Variants in KCNIP4 observed in about 807,000 individuals in gnomAD.
KCNIP4 encodes potassium voltage-gated channel interacting protein 4, also known as Kv channel-interacting protein 4.
A neutral mutation model predicts 34.0 loss-of-function variants in KCNIP4; 12 were observed. That is an observed-to-expected ratio of 0.35 (90% CI 0.23 to 0.57). The LOEUF (loss-of-function observed/expected upper bound fraction) is 0.57. Among genes scored for constraint, KCNIP4 ranks in the 20% least tolerant of loss-of-function variants. The pLI is 0.83. For missense variants in KCNIP4, 238 were observed against 311.7 expected (o/e 0.76, Z 1.78); for synonymous variants, 124 against 102.2 (o/e 1.21, Z -1.29).
chr4:21,201,599 C>T (rs186213338), intron 1 of KCNIP4, among the ~76,000 whole-genome samples: 27 of 152,196 alleles, frequency 1.8e-4, no homozygotes, highest in Non-Finnish European at 2.9e-4. Context: ...CCCAGGTTCA[C>T]GCCATTCTCC....
chr4:21,083,429 A>C (rs996790141), intron 1 of KCNIP4, among the ~76,000 whole-genome samples: 2 of 151,818 alleles, frequency 1.3e-5, no homozygotes, highest in African/African-American at 4.9e-5. Flanking sequence ...GAAATTAAGG[A>C]TCTTCAAAGG....
At chr4:21,931,203 C>T (rs1288387311) in intron 1 of KCNIP4, among the ~76,000 whole-genome samples, 2 of 151,554 alleles carry the variant, frequency 1.3e-5, no homozygotes, top group East Asian at 2.0e-4. Flanking sequence ...AAATATGCAC[C>T]TACAATAGGA....
intron 1 of KCNIP4, among the ~76,000 whole-genome samples, chr4:21,050,742 C>T (rs1418365242): frequency 6.6e-6 from 1 of 152,164 alleles, no homozygotes; most frequent in Non-Finnish European, 1.5e-5. Flanking sequence ...CACTCAGGTT[C>T]AGAAATACCA....
intron 1 of KCNIP4, among the ~76,000 whole-genome samples, chr4:21,792,937 G>A (rs928646404): frequency 6.6e-6 from 1 of 152,174 alleles, no homozygotes; most frequent in Non-Finnish European, 1.5e-5. Flanking sequence ...AATGCTCAGA[G>A]TATGTGAGAG....
chr4:21,076,925 C>A (rs944918592), intron 1 of KCNIP4, among the ~76,000 whole-genome samples: 1 of 152,060 alleles, frequency 6.6e-6, no homozygotes, highest in Non-Finnish European at 1.5e-5. Context: ...GAGTTCGAGT[C>A]CAGTCTGGCA....
At chr4:21,014,731 G>A (rs1739353657) in intron 1 of KCNIP4, among the ~76,000 whole-genome samples, 2 of 152,156 alleles carry the variant, frequency 1.3e-5, no homozygotes, top group Admixed American at 1.3e-4. Flanking sequence ...GTTAAACGTA[G>A]CATTACCATT....
chr4:21,443,075 C>T (rs377292108), intron 1 of KCNIP4, among the ~76,000 whole-genome samples: 28 of 152,290 alleles, frequency 1.8e-4, no homozygotes, highest in Admixed American at 9.8e-4. Context: ...GTTGTCACTA[C>T]GACAAAACTT....
At chr4:21,524,424 C>G (rs116677848) in intron 1 of KCNIP4, among the ~76,000 whole-genome samples, 5,015 of 152,256 alleles carry the variant, frequency 0.033, 111 homozygotes, top group Non-Finnish European at 0.049. Context: ...GCTCTTGCAT[C>G]TGATTTTTCC....
intron 1 of KCNIP4, among the ~76,000 whole-genome samples, chr4:21,123,003 G>C (rs1393502440): frequency 6.6e-6 from 1 of 152,092 alleles, no homozygotes; most frequent in East Asian, 1.9e-4. Context: ...AAGGTCAGGA[G>C]ATCAAGACCA....
intron 1 of KCNIP4, among the ~76,000 whole-genome samples, chr4:21,050,444 C>G (rs1742823329): frequency 6.6e-6 from 1 of 152,024 alleles, no homozygotes; most frequent in East Asian, 1.9e-4. Flanking sequence ...TAAAAATTAG[C>G]TTAAATATCT....
intron 1 of KCNIP4, among the ~76,000 whole-genome samples, chr4:20,994,848 T>A (rs1737402860): frequency 6.6e-6 from 1 of 152,184 alleles, no homozygotes; most frequent in Non-Finnish European, 1.5e-5. Flanking sequence ...TGCAATGCTC[T>A]GAACATGAGA....
At chr4:21,059,088 T>C (rs1008495470) in intron 1 of KCNIP4, among the ~76,000 whole-genome samples, 47 of 152,134 alleles carry the variant, frequency 3.1e-4, no homozygotes, top group African/African-American at 1.0e-3. Flanking sequence ...AGCATGATTG[T>C]GAGGCCTCCC....
chr4:21,570,075 C>T (rs1172198988), intron 1 of KCNIP4, among the ~76,000 whole-genome samples: 2 of 152,114 alleles, frequency 1.3e-5, no homozygotes, highest in Non-Finnish European at 2.9e-5. Context: ...GAGGGAGACC[C>T]AACCTGGAAG....
intron 1 of KCNIP4, among the ~76,000 whole-genome samples, chr4:21,377,208 CAGG>C (rs1721038576): frequency 6.6e-6 from 1 of 152,128 alleles, no homozygotes; most frequent in Non-Finnish European, 1.5e-5. Flanking sequence ...ACTACTCGGA[CAGG>C]AGAAGCAAAG....
In KCNIP4 at chr4:21,234,311, C is replaced by CAT. The variant is rs1282560702; in HGVS notation, c.62-351604_62-351603dup. Among the ~76,000 whole-genome samples, 5 of 73,498 alleles carry CAT rather than the reference C, an allele frequency of 6.8e-5. 1 individual carries two copies. The highest frequency in any genetic ancestry group is 4.2e-4 in the African/African-American group (5 of 12,030). 48.2% of individuals were successfully genotyped at this position (73,498 alleles called of 152,430 possible). A position where few individuals can be genotyped will look rare whatever the true frequency, so the allele number is the denominator to read the frequency against. The stretch of plus-strand genomic sequence containing the variant: ...CATATATTATATATAACATATATAA[C>CAT]ATATATATAACATATATAAATTATA... On this transcript the variant is annotated intron_variant, in intron 1 of 8. Transcript: ENST00000382152.
intron 1 of KCNIP4, among the ~76,000 whole-genome samples, chr4:21,452,762 G>T (rs1398537477): frequency 6.7e-6 from 1 of 148,724 alleles, no homozygotes; most frequent in Non-Finnish European, 1.5e-5. Context: ...CACATTGTCT[G>T]CTATCTCTGA....
At chr4:21,680,568 T>A (rs1197660228) in intron 1 of KCNIP4, among the ~76,000 whole-genome samples, 2 of 152,230 alleles carry the variant, frequency 1.3e-5, no homozygotes, top group Non-Finnish European at 2.9e-5. Flanking sequence ...TCACTATCTA[T>A]GACAGTTATA....
At chr4:21,791,808 C>T (rs180828646) in intron 1 of KCNIP4, among the ~76,000 whole-genome samples, 3 of 151,894 alleles carry the variant, frequency 2.0e-5, no homozygotes, top group Non-Finnish European at 4.4e-5. Context: ...TTGAGACCAG[C>T]CTGGCCAACA....
At chr4:21,696,184 T>C (rs547145515) in intron 1 of KCNIP4, among the ~76,000 whole-genome samples, 50 of 152,208 alleles carry the variant, frequency 3.3e-4, no homozygotes, top group African/African-American at 1.2e-3. Flanking sequence ...CTCTCTAAAA[T>C]CATTTGATTG....
Sources: gnomAD v4.1 joint callset for allele counts (sites outside exome capture counted in the v4.1 genomes callset) on GRCh38, gnomAD v4.1.1 for gene constraint, MANE v1.5 for transcripts, NCBI Gene and HGNC (gene_info 2026-07-23, HGNC 2026-07-21) for gene names.